ARHGEF17: variants seen among roughly 807,000 people sequenced by gnomAD.
ARHGEF17 encodes the protein 164 kDa Rho-specific guanine-nucleotide exchange factor.
In ARHGEF17, 80 loss-of-function variants were observed where a neutral mutation model predicts 174.0. That is an observed-to-expected ratio of 0.46 (90% CI 0.38 to 0.55). The LOEUF (loss-of-function observed/expected upper bound fraction) is 0.55, where lower values mean the gene tolerates loss of function less well. Among genes scored for constraint, ARHGEF17 ranks in the 20% least tolerant of loss-of-function variants. The probability of loss-of-function intolerance (pLI) is 0.00; values close to 1 mark genes in which losing one functional copy is unlikely to be tolerated. For missense variants in ARHGEF17, 2,886 were observed against 2,839.7 expected (o/e 1.02, Z -0.37); for synonymous variants, 1,311 against 1,189.1 (o/e 1.10, Z -2.11).
intron 14 of ARHGEF17, 55 bp from the exon 15 acceptor site, chr11:73,363,151 T>C (rs890998959): frequency 8.8e-6 from 13 of 1,470,066 alleles, no homozygotes; most frequent in Middle Eastern, 1.8e-4. Context: ...TAGAAAGATA[T>C]CAGGTCCCAG....
intron 1 of ARHGEF17, among the ~76,000 whole-genome samples, chr11:73,338,123 A>G (rs537507087): frequency 2.6e-5 from 4 of 152,298 alleles, no homozygotes; most frequent in African/African-American, 7.2e-5. Flanking sequence ...TCCTCTTTCC[A>G]GAAGAGAGGG....
chr11:73,363,631 C>G, intron 15 of ARHGEF17, 116 bp from the exon 16 acceptor site: 2 of 1,507,606 alleles, frequency 1.3e-6, no homozygotes, highest in Non-Finnish European at 1.8e-6. Flanking sequence ...GACCTCAGTA[C>G]CTTGGGCAGG....
chr11:73,367,383 A>G (rs1865857729), intron 20 of ARHGEF17, among the ~76,000 whole-genome samples: 1 of 152,240 alleles, frequency 6.6e-6, no homozygotes, highest in South Asian at 2.1e-4. Context: ...TAGAGATTAC[A>G]GATGGGACAT....
intron 18 of ARHGEF17, 51 bp downstream of exon 18, chr11:73,364,651 G>A (rs758682377): frequency 3.1e-5 from 49 of 1,562,492 alleles, no homozygotes; most frequent in East Asian, 6.7e-5. Context: ...AGCTAGGTCC[G>A]TGTGACAGGG....
Position 73,367,820 on chromosome 11 carries a change from C to T in ARHGEF17, c.*40C>T. On this transcript the variant is annotated 3_prime_UTR_variant, in exon 21 of 21. Transcript: ENST00000263674. Reference sequence around the variant, plus strand: ...GCCCAGGACTCGCCCGCCCACCTGCCTTCAGCCTGCTTGCCTCTCCCTAGC... The same window carrying T: ...GCCCAGGACTCGCCCGCCCACCTGCTTTCAGCCTGCTTGCCTCTCCCTAGC... The T allele has an allele frequency of 6.4e-7, 1 of 1,568,642 alleles. No homozygotes were observed. The highest frequency in any genetic ancestry group is 1.3e-5 in the African/African-American group (1 of 74,418).
chr11:73,352,761 G>T, intron 2 of ARHGEF17, 69 bp from the exon 3 acceptor site: 1 of 1,569,896 alleles, frequency 6.4e-7, no homozygotes, highest in Admixed American at 1.7e-5. Flanking sequence ...ACTCACACAG[G>T]GGCCCTGTGT....
intron 17 of ARHGEF17, 64 bp downstream of exon 17, chr11:73,364,303 G>A: frequency 6.2e-7 from 1 of 1,606,828 alleles, no homozygotes; most frequent in Admixed American, 1.7e-5. Context: ...GCTCTCTCCT[G>A]GAGATGTGGC....
chr11:73,338,670 C>A (rs1308649071), intron 1 of ARHGEF17, among the ~76,000 whole-genome samples: 2 of 152,056 alleles, frequency 1.3e-5, no homozygotes, highest in Non-Finnish European at 2.9e-5. Flanking sequence ...GAAAGGCAAC[C>A]ACCACACCAG....
chr11:73,367,520 C>T, intron 20 of ARHGEF17, 64 bp from the exon 21 acceptor site: 1 of 1,413,186 alleles, frequency 7.1e-7, no homozygotes, highest in Non-Finnish European at 9.7e-7. Context: ...GGAATTCAGG[C>T]CCCGATGGGA....
At position 73,335,541 on chromosome 11, in the gene ARHGEF17, G is replaced by A. The variant is rs544189915; in HGVS notation, c.3193-11342G>A. Among the ~76,000 whole-genome samples, 7 of 151,610 alleles carry A rather than the reference G, an allele frequency of 4.6e-5. No homozygotes were observed. The East Asian group carries it at 7.8e-4, about 17-fold the overall frequency. On this transcript the variant is annotated intron_variant, in intron 1 of 20. Coordinates refer to ENST00000263674, the MANE Select transcript of ARHGEF17 (RefSeq NM_014786.4). ...AGGGAGGGGGGCGGATCTCAGAGAA[G>A]AAAGAAAGGGAAAAAACCCACATTA...
chr11:73,310,357 C>G lies in ARHGEF17; in HGVS notation c.1719C>G (p.Leu573=), dbSNP rs140800120. 6.2e-7 allele frequency: 1 copy of G among 1,613,872 alleles called. No individual in the cohort carries two copies. Among genetic ancestry groups the G allele is most frequent in the Non-Finnish European group, 8.5e-7 (1 of 1,180,004 alleles). The change falls in exon 1 of 21, where the codon CTC becomes CTG. Residue 573 remains leucine (L), a synonymous_variant. Transcript: ENST00000263674. ...AGTCCAGCTCCTCCGAGCTCCTGCTCACAGGCCCTGGTGCCGAGGAGGATC... is the reference window on the plus strand; with the variant it reads ...AGTCCAGCTCCTCCGAGCTCCTGCTGACAGGCCCTGGTGCCGAGGAGGATC... The part of the protein sequence containing the change: ...ALKSSSSELL[L]TGPGAEEDPL...
chr11:73,311,441 C>A lies in ARHGEF17; in HGVS notation c.2803C>A (p.Arg935=). 2 of 1,613,330 alleles carry A rather than the reference C, an allele frequency of 1.2e-6. No homozygotes were observed. Among genetic ancestry groups the A allele is most frequent in the Non-Finnish European group, 1.7e-6 (2 of 1,180,044 alleles). The change falls in exon 1 of 21, where the codon CGG becomes AGG. Residue 935 remains arginine, a synonymous_variant. Coordinates refer to ENST00000263674, the MANE Select transcript of ARHGEF17 (RefSeq NM_014786.4). ...RPARSSHQEL[R]RDEGSQDQTG... ...AGCTCGGAGTAGTCACCAGGAGCTT[C>A]GGAGAGACGAGGGCAGTCAGGACCA...
Position 73,310,969 on chromosome 11 carries a change from G to A in ARHGEF17, c.2331G>A (p.Glu777=), listed in dbSNP as rs1591714900. The change falls in exon 1 of 21, where the codon GAG becomes GAA. Residue 777 remains glutamate (E), a synonymous_variant. Coordinates refer to ENST00000263674, the MANE Select transcript of ARHGEF17 (RefSeq NM_014786.4). The part of the protein sequence containing the change: ...TGLPATSAMD[E]GLTSGHSDWS... Reference sequence around the variant, plus strand: ...TCCCTGCCACCTCAGCCATGGATGAGGGCTTGACCAGTGGTCACAGTGACT... The same window carrying A: ...TCCCTGCCACCTCAGCCATGGATGAAGGCTTGACCAGTGGTCACAGTGACT... The A allele has an allele frequency of 1.9e-6, 3 of 1,614,190 alleles. No individual in the cohort carries two copies. The East Asian group carries it at 6.7e-5, about 36-fold the overall frequency.
At chr11:73,346,251 G>A (rs891199845) in intron 1 of ARHGEF17, among the ~76,000 whole-genome samples, 5 of 152,206 alleles carry the variant, frequency 3.3e-5, no homozygotes, top group African/African-American at 1.2e-4. Flanking sequence ...TTAGAACAGT[G>A]CCTGGCGCAT....
At position 73,308,983 on chromosome 11, in the gene ARHGEF17, C is replaced by A; in HGVS notation, c.345C>A (p.Ala115=). 6 of 1,375,730 alleles carry A rather than the reference C, an allele frequency of 4.4e-6. No individual in the cohort carries two copies. The highest frequency in any genetic ancestry group is 5.6e-6 in the Non-Finnish European group (6 of 1,070,024). The allele number at this position is 1,375,730 out of a possible 1,614,324, so 85.2% of individuals were successfully genotyped here. ...TACCCGCGGCCGCGGAAGAAGCGGC[C>A]GAGGGCCCAGCGCGAGGAGCCTGGC... is the stretch of plus-strand genomic sequence containing the variant. ...GVLPAAAEEA[A]EGPARGAWPS... Residue 115 remains alanine (A), a synonymous_variant, in exon 1 of 21, where the codon GCC becomes GCA. Coordinates refer to ENST00000263674, the MANE Select transcript of ARHGEF17 (RefSeq NM_014786.4).
Position 73,352,956 on chromosome 11 carries a change from C to T in ARHGEF17, c.3397C>T (p.His1133Tyr), listed in dbSNP as rs1224634133. ...CGAGCAATTCCTGGAGCAGGTTCGG[C>T]ACTGCATGCAGACCTGGCATGCCCA... ...HHEQFLEQVRHCMQTWHAQQK... is the reference protein window; with the variant it reads ...HHEQFLEQVRYCMQTWHAQQK... The change falls in exon 3 of 21, where the codon CAC becomes TAC. Residue 1133 changes from histidine (H) to tyrosine (Y), a missense_variant. This residue lies in a region of ARHGEF17 where 353 missense variants were observed against 470.3 expected (regional missense o/e 0.75). Coordinates refer to ENST00000263674, the MANE Select transcript of ARHGEF17 (RefSeq NM_014786.4). The T allele has an allele frequency of 1.2e-6, 2 of 1,614,144 alleles. No individual in the cohort carries two copies. Among genetic ancestry groups the T allele is most frequent in the South Asian group, 1.1e-5 (1 of 91,082 alleles).
At chr11:73,334,612 C>T (rs1298125811) in intron 1 of ARHGEF17, among the ~76,000 whole-genome samples, 1 of 152,182 alleles carries the variant, frequency 6.6e-6, no homozygotes, top group Non-Finnish European at 1.5e-5. Context: ...CAGGCTCTGG[C>T]CCCCTCCTTC....
At chr11:73,363,893 C>A in intron 16 of ARHGEF17, 60 bp downstream of exon 16, 1 of 1,535,188 alleles carries the variant, frequency 6.5e-7, no homozygotes, top group African/African-American at 1.4e-5. Flanking sequence ...TGCAGGCCTC[C>A]TTCTGTTCAT....
chr11:73,316,589 A>T (rs1565188296), intron 1 of ARHGEF17, among the ~76,000 whole-genome samples: 1 of 152,246 alleles, frequency 6.6e-6, no homozygotes, highest in Admixed American at 6.5e-5. Flanking sequence ...GGGAAACAGC[A>T]TTCTGGGCAG....
Sources: allele counts gnomAD v4.1 joint callset (sites outside exome capture counted in the v4.1 genomes callset), GRCh38; gene constraint gnomAD v4.1.1; regional missense constraint gnomAD v4.1.1; transcripts MANE v1.5; gene names NCBI Gene and HGNC (gene_info 2026-07-23, HGNC 2026-07-21).